MTUS2: variants seen among roughly 807,000 people sequenced by gnomAD.
MTUS2 encodes the protein microtubule associated scaffold protein 2.
In MTUS2, 40 loss-of-function variants were observed where a neutral mutation model predicts 114.1. The ratio of observed to expected loss-of-function variants is 0.35; its 90% confidence interval spans 0.27 to 0.46. The LOEUF is 0.46. Among genes scored for constraint, MTUS2 ranks in the 20% least tolerant of loss-of-function variants. The probability of loss-of-function intolerance (pLI) is 1.00; values close to 1 mark genes in which losing one functional copy is unlikely to be tolerated. For synonymous variants in MTUS2, 688 were observed against 672.0 expected (o/e 1.02, Z -0.37); for missense variants, 1,679 against 1,705.4 (o/e 0.98, Z 0.27).
intron 5 of MTUS2, among the ~76,000 whole-genome samples, chr13:29,246,492 C>A (rs1896931124): frequency 6.6e-6 from 1 of 152,194 alleles, no homozygotes; most frequent in Non-Finnish European, 1.5e-5. Context: ...TGCTCCCAAG[C>A]AGTTAGTGGG....
intron 2 of MTUS2, among the ~76,000 whole-genome samples, chr13:29,010,590 G>T (rs1193296672): frequency 6.6e-6 from 1 of 151,918 alleles, no homozygotes; most frequent in Non-Finnish European, 1.5e-5. Context: ...GCCACATGCG[G>T]ACCACACTCT....
chr13:29,322,273 T>G (rs1900285499), intron 6 of MTUS2, among the ~76,000 whole-genome samples: 1 of 152,004 alleles, frequency 6.6e-6, no homozygotes, highest in Non-Finnish European at 1.5e-5. Flanking sequence ...CTTTCAGGAG[T>G]CTTAGTGTCT....
chr13:29,172,720 A>G (rs907235337), intron 5 of MTUS2, among the ~76,000 whole-genome samples: 12 of 152,248 alleles, frequency 7.9e-5, no homozygotes, highest in Non-Finnish European at 1.3e-4. Context: ...ACCAAAGGCC[A>G]GGAACTAGAT....
chr13:28,848,654 C>T (rs570882537), intron 2 of MTUS2, among the ~76,000 whole-genome samples: 8 of 152,118 alleles, frequency 5.3e-5, no homozygotes, highest in African/African-American at 1.9e-4. Flanking sequence ...TTTCAGTAAA[C>T]ATTCCCGTTA....
In MTUS2 at chr13:29,497,302, A is replaced by C. The variant is rs1329570538; in HGVS notation, c.3644A>C (p.Glu1215Ala). 2 of 1,612,086 alleles carry C rather than the reference A, an allele frequency of 1.2e-6. No homozygotes were observed. Among genetic ancestry groups the C allele is most frequent in the Admixed American group, 3.3e-5 (2 of 60,018 alleles). The change falls in exon 13 of 16, where the codon GAG becomes GCG. Residue 1215 changes from glutamate (E) to alanine (A), a missense_variant. By Grantham distance (107) the Glu-to-Ala change is moderately radical. Coordinates refer to ENST00000612955, the MANE Select transcript of MTUS2 (RefSeq NM_001033602.4). ...SLRDRARRFE[E>A]ALRKNTEEQL... Reference sequence around the variant, plus strand: ...CGGGACAGAGCCCGCCGCTTCGAAGAGGCCTTGAGGAAGAACACAGAGGAG... The same window carrying C: ...CGGGACAGAGCCCGCCGCTTCGAAGCGGCCTTGAGGAAGAACACAGAGGAG...
chr13:29,129,603 G>A (rs529600639), intron 5 of MTUS2, among the ~76,000 whole-genome samples: 53 of 152,000 alleles, frequency 3.5e-4, no homozygotes, highest in Non-Finnish European at 6.3e-4. Flanking sequence ...TATGGGGTAC[G>A]TGTGATGTTT....
At chr13:29,428,994 C>A (rs1593434289) in intron 8 of MTUS2, 12 of 1,210,860 alleles carry the variant, frequency 9.9e-6, no homozygotes, top group African/African-American at 1.5e-5. Context: ...CCCTAGCATG[C>A]GTGTGCGCTT....
At chr13:29,362,827 A>C (rs1247261788) in intron 8 of MTUS2, among the ~76,000 whole-genome samples, 1 of 152,254 alleles carries the variant, frequency 6.6e-6, no homozygotes, top group Admixed American at 6.5e-5. Flanking sequence ...GAGAAAAAGA[A>C]TTAGAAGCCC....
chr13:28,860,519 GC>G (rs1230980686), intron 2 of MTUS2, among the ~76,000 whole-genome samples: 1 of 152,208 alleles, frequency 6.6e-6, no homozygotes, highest in African/African-American at 2.4e-5. Context: ...TAGGAAGGGG[GC>G]TATCTGGCCT....
chr13:28,932,099 T>A (rs1881649219), intron 2 of MTUS2, among the ~76,000 whole-genome samples: 1 of 152,220 alleles, frequency 6.6e-6, no homozygotes, highest in African/African-American at 2.4e-5. Flanking sequence ...GAATCATAAG[T>A]CATTTTCCAA....
intron 5 of MTUS2, among the ~76,000 whole-genome samples, chr13:29,169,329 G>A (rs1365352390): frequency 5.3e-5 from 8 of 152,234 alleles, no homozygotes; most frequent in African/African-American, 9.6e-5. Context: ...TGATTTATGC[G>A]TAGGTAAGAC....
intron 14 of MTUS2, among the ~76,000 whole-genome samples, chr13:29,499,180 G>C (rs1882736155): frequency 6.6e-6 from 1 of 152,326 alleles, no homozygotes; most frequent in South Asian, 2.1e-4. Flanking sequence ...GTCCAGAACA[G>C]AGTCCTAGCT....
intron 4 of MTUS2, among the ~76,000 whole-genome samples, chr13:29,077,907 G>A (rs1277628759): frequency 6.6e-6 from 1 of 152,070 alleles, no homozygotes; most frequent in Non-Finnish European, 1.5e-5. Flanking sequence ...GTCATTAAAA[G>A]GAGAATCAAT....
intron 2 of MTUS2, among the ~76,000 whole-genome samples, chr13:28,964,001 C>T (rs1324513885): frequency 6.6e-6 from 1 of 152,166 alleles, no homozygotes; most frequent in African/African-American, 2.4e-5. Context: ...TCTACTTTCC[C>T]CATAAGTCTT....
chr13:29,498,390 A>C, intron 13 of MTUS2, 28 bp from the exon 14 acceptor site: 1 of 1,612,828 alleles, frequency 6.2e-7, no homozygotes, highest in Non-Finnish European at 8.5e-7. Flanking sequence ...AATCCTGGTC[A>C]ACAGCTCATG....
intron 6 of MTUS2, among the ~76,000 whole-genome samples, chr13:29,294,335 G>A (rs1047040295): frequency 2.6e-5 from 4 of 151,980 alleles, no homozygotes; most frequent in African/African-American, 9.7e-5. Context: ...ATGTGAAAAG[G>A]TTCTTTTTAA....
chr13:29,103,156 G>A (rs913365450), intron 5 of MTUS2, among the ~76,000 whole-genome samples: 1 of 152,170 alleles, frequency 6.6e-6, no homozygotes, highest in African/African-American at 2.4e-5. Context: ...GTCATGCAGA[G>A]TAGATGTTTC....
chr13:29,092,647 A>C (rs1890009103), intron 4 of MTUS2, among the ~76,000 whole-genome samples: 2 of 152,110 alleles, frequency 1.3e-5, no homozygotes, highest in Non-Finnish European at 2.9e-5. Context: ...AGGCTGGTGC[A>C]CAAGCCAGGC....
chr13:29,338,120 A>G (rs1252598765), intron 7 of MTUS2, among the ~76,000 whole-genome samples: 1 of 151,496 alleles, frequency 6.6e-6, no homozygotes, highest in Non-Finnish European at 1.5e-5. Context: ...CAGCCACCCT[A>G]CCTTTTCTTT....
Sources: gnomAD v4.1 joint callset for allele counts (sites outside exome capture counted in the v4.1 genomes callset) on GRCh38, gnomAD v4.1.1 for gene constraint, MANE v1.5 for transcripts, NCBI Gene and HGNC (gene_info 2026-07-23, HGNC 2026-07-21) for gene names.